SRFBP1: variants seen among roughly 807,000 people sequenced by gnomAD.
SRFBP1 encodes serum response factor-binding protein 1.
SRFBP1 carries 47 observed loss-of-function variants against 45.5 expected under a neutral mutation model. The ratio of observed to expected loss-of-function variants is 1.03; its 90% CI spans 0.82 to 1.32. SRFBP1 has a LOEUF of 1.32. Ranked by LOEUF, SRFBP1 falls within the 40% of genes most tolerant of loss-of-function variation. The pLI is 0.00. For synonymous variants in SRFBP1, 203 were observed against 166.3 expected (o/e 1.22, Z -1.70); for missense variants, 621 against 484.6 (o/e 1.28, Z -2.64).
downstream of SRFBP1, among the ~76,000 whole-genome samples, chr5:122,028,898 A>T (rs1354748283): frequency 2.0e-5 from 3 of 152,166 alleles, no homozygotes; most frequent in African/African-American, 7.2e-5. Flanking sequence ...AAGAGGGAAG[A>T]GTTTTAAATT....
intron 2 of SRFBP1, among the ~76,000 whole-genome samples, chr5:122,047,067 A>C (rs1242239565): frequency 6.6e-6 from 1 of 152,034 alleles, no homozygotes; most frequent in Non-Finnish European, 1.5e-5. Context: ...CCCATTTGTC[A>C]ATTTTGGCTT....
At chr5:121,992,377 C>A (rs920628142) in intron 3 of SRFBP1, among the ~76,000 whole-genome samples, 2 of 151,884 alleles carry the variant, frequency 1.3e-5, no homozygotes, top group African/African-American at 4.8e-5. Context: ...CCCACACTTT[C>A]GTTTTTTTGT....
chr5:121,995,760 C>T (rs1159274811), intron 4 of SRFBP1, among the ~76,000 whole-genome samples: 30 of 151,328 alleles, frequency 2.0e-4, no homozygotes, highest in Non-Finnish European at 3.2e-4. Flanking sequence ...ATTGATAGAC[C>T]GCTAGCAAGA....
At chr5:122,025,880 C>T in intron 7 of SRFBP1, among the ~76,000 whole-genome samples, 1 of 152,042 alleles carries the variant, frequency 6.6e-6, no homozygotes, top group Non-Finnish European at 1.5e-5. Context: ...GTGGGTGGAT[C>T]GTCTGAGGTC....
At chr5:122,014,886 G>A (rs779569931) in intron 4 of SRFBP1, among the ~76,000 whole-genome samples, 14 of 152,152 alleles carry the variant, frequency 9.2e-5, no homozygotes, top group Non-Finnish European at 1.5e-4. Context: ...AAAGATTTTA[G>A]CAAGTTGTCA....
At chr5:122,004,194 T>C (rs1195314403) in intron 4 of SRFBP1, among the ~76,000 whole-genome samples, 1 of 152,196 alleles carries the variant, frequency 6.6e-6, no homozygotes, top group East Asian at 1.9e-4. Flanking sequence ...AAGATTGATA[T>C]TAGACTCTTA....
At chr5:121,992,738 A>T (rs1042470123) in intron 3 of SRFBP1, among the ~76,000 whole-genome samples, 13 of 152,032 alleles carry the variant, frequency 8.6e-5, no homozygotes, top group Admixed American at 3.3e-4. Flanking sequence ...ATCAAATAAC[A>T]TGTTTTCCAC....
At chr5:121,992,427 C>G (rs1218510125) in intron 3 of SRFBP1, among the ~76,000 whole-genome samples, 1 of 151,744 alleles carries the variant, frequency 6.6e-6, no homozygotes, top group African/African-American at 2.4e-5. Context: ...CTCTGCATCT[C>G]CTTCTCTGAC....
At chr5:122,050,515 T>A (rs1753955713) in intron 2 of SRFBP1, among the ~76,000 whole-genome samples, 1 of 152,200 alleles carries the variant, frequency 6.6e-6, no homozygotes, top group Non-Finnish European at 1.5e-5. Context: ...CTATATTTTC[T>A]AGTTTGGGTG....
intron 2 of SRFBP1, among the ~76,000 whole-genome samples, chr5:122,035,273 C>G (rs1368128409): frequency 2.0e-5 from 3 of 152,086 alleles, no homozygotes; most frequent in Non-Finnish European, 4.4e-5. Flanking sequence ...TTTTATCTGC[C>G]CTGTCTCCCA....
At chr5:122,077,449 G>C, downstream of SRFBP1, 4 of 1,614,116 alleles carry the variant, frequency 2.5e-6, no homozygotes, top group South Asian at 1.1e-5. The surrounding 1 kb of genome is among the most constrained non-coding windows in gnomAD (Gnocchi z 4.9). Flanking sequence ...AAGGGTTGTC[G>C]TCAGAGTACT....
chr5:121,977,104 G>T (rs977070872), intron 3 of SRFBP1, among the ~76,000 whole-genome samples: 8 of 151,686 alleles, frequency 5.3e-5, no homozygotes, highest in Non-Finnish European at 8.9e-5. Flanking sequence ...ATCAGCAAAG[G>T]GAAATCTGAT....
At chr5:122,054,755 A>G (rs1754049865) in intron 2 of SRFBP1, among the ~76,000 whole-genome samples, 2 of 152,126 alleles carry the variant, frequency 1.3e-5, no homozygotes, top group South Asian at 4.1e-4. Flanking sequence ...TTTTATTTTT[A>G]TATTCATAAA....
intron 3 of SRFBP1, among the ~76,000 whole-genome samples, chr5:121,976,621 T>C (rs1010516045): frequency 1.3e-5 from 2 of 151,722 alleles, no homozygotes; most frequent in African/African-American, 4.8e-5. Flanking sequence ...AATTTTTCCC[T>C]GTAATTTCTT....
At chr5:122,073,717 A>T (rs1219657104) in intron 2 of SRFBP1, among the ~76,000 whole-genome samples, 2 of 152,192 alleles carry the variant, frequency 1.3e-5, no homozygotes, top group Non-Finnish European at 2.9e-5. Context: ...CACATGCATA[A>T]CTGGAAATAC....
intron 2 of SRFBP1, among the ~76,000 whole-genome samples, chr5:122,050,128 C>T (rs1474133575): frequency 2.0e-5 from 3 of 152,142 alleles, no homozygotes; most frequent in Non-Finnish European, 4.4e-5. Context: ...TTTTGCTGTG[C>T]TGCTGGATTC....
chr5:122,009,224 T>A (rs1315763483), intron 4 of SRFBP1, among the ~76,000 whole-genome samples: 2 of 152,222 alleles, frequency 1.3e-5, no homozygotes, highest in Non-Finnish European at 2.9e-5. Context: ...TATCTTTTTT[T>A]AAATATTTAA....
chr5:122,008,069 C>T (rs1298440037), intron 4 of SRFBP1, among the ~76,000 whole-genome samples: 1 of 152,116 alleles, frequency 6.6e-6, no homozygotes, highest in Non-Finnish European at 1.5e-5. Context: ...GAGGCTTAGT[C>T]TGAATGTACT....
intron 1 of SRFBP1, among the ~76,000 whole-genome samples, chr5:121,966,348 A>C (rs1203594549): frequency 6.6e-6 from 1 of 152,214 alleles, no homozygotes; most frequent in Non-Finnish European, 1.5e-5. Flanking sequence ...TATTTATTGC[A>C]TATTTTTGGT....
Sources: gnomAD v4.1 joint callset for allele counts (sites outside exome capture counted in the v4.1 genomes callset) on GRCh38, gnomAD v4.1.1 for gene constraint, Gnocchi (gnomAD v3.1) non-coding constraint, MANE v1.5 for transcripts, NCBI Gene and HGNC (gene_info 2026-07-23, HGNC 2026-07-21) for gene names.